JPH2: variants seen among roughly 807,000 people sequenced by gnomAD.
JPH2 encodes junctophilin 2, also known as junctophilin-2.
A neutral mutation model predicts 55.9 loss-of-function variants in JPH2; 38 were observed. The ratio of observed to expected loss-of-function variants is 0.68; its 90% CI spans 0.52 to 0.89. The LOEUF (loss-of-function observed/expected upper bound fraction) is 0.89. JPH2 is among the 40% of genes least tolerant of loss of function. The probability of loss-of-function intolerance (pLI) is 0.00; values close to 1 mark genes in which losing one functional copy is unlikely to be tolerated. For missense variants in JPH2, 964 were observed against 1,037.6 expected, an observed-to-expected ratio of 0.93 and a Z score of 0.97; for synonymous variants, 480 against 472.4, an observed-to-expected ratio of 1.02 and a Z score of -0.21.
At chr20:44,129,051 T>C (rs1387864356) in intron 2 of JPH2, among the ~76,000 whole-genome samples, 1 of 152,180 alleles carries the variant, frequency 6.6e-6, no homozygotes, top group Non-Finnish European at 1.5e-5. Flanking sequence ...GCAAGCTCGA[T>C]GCAGATTTGT....
chr20:44,176,433 T>C (rs1262327544), intron 1 of JPH2, among the ~76,000 whole-genome samples: 1 of 151,368 alleles, frequency 6.6e-6, no homozygotes, highest in Non-Finnish European at 1.5e-5. Flanking sequence ...GCTGGCCTTC[T>C]CTGTACATCC....
At chr20:44,135,104 A>G (rs1050394141) in intron 2 of JPH2, among the ~76,000 whole-genome samples, 3 of 151,094 alleles carry the variant, frequency 2.0e-5, no homozygotes, top group South Asian at 4.2e-4. Context: ...GCATGACCAT[A>G]CCTACTGGGG....
intron 1 of JPH2, among the ~76,000 whole-genome samples, chr20:44,170,884 A>T (rs980505586): frequency 6.6e-6 from 1 of 152,208 alleles, no homozygotes; most frequent in South Asian, 2.1e-4. Context: ...AAGAATTTAA[A>T]TGACTCTCAT....
chr20:44,137,331 C>T (rs1354822745), intron 2 of JPH2, among the ~76,000 whole-genome samples: 4 of 151,546 alleles, frequency 2.6e-5, no homozygotes, highest in Non-Finnish European at 4.4e-5. Flanking sequence ...AAGGACAAGG[C>T]GCCCAGGAGA....
In JPH2 at chr20:44,116,208, C is replaced by T; in HGVS notation, c.1467G>A (p.Gly489=). ...RPEGGSPSPA[G]TPPQPKRPRP... is the part of the protein sequence containing the mutation. ...TGGGCCGCTTGGGCTGCGGGGGCGT[C>T]CCGGCCGGTGACGGGGAGCCACCCT... The change falls in exon 4 of 6, where the codon GGG becomes GGA. Residue 489 remains glycine (G), a synonymous_variant. Transcript: ENST00000372980. 7.2e-7 allele frequency: 1 copy of T among 1,393,244 alleles called. No individual in the cohort carries two copies. Among genetic ancestry groups the T allele is most frequent in the Non-Finnish European group, 9.2e-7 (1 of 1,085,348 alleles). The allele number at this position is 1,393,244 out of a possible 1,614,324, so 86.3% of individuals were successfully genotyped here.
chr20:44,169,047 C>T (rs942562884), intron 1 of JPH2, among the ~76,000 whole-genome samples: 2 of 152,208 alleles, frequency 1.3e-5, no homozygotes, highest in African/African-American at 2.4e-5. Context: ...TCCCCTTCAC[C>T]TTCTGCCATG....
chr20:44,121,374 A>G (rs1218927597), intron 2 of JPH2, among the ~76,000 whole-genome samples: 2 of 152,168 alleles, frequency 1.3e-5, no homozygotes, highest in African/African-American at 4.8e-5. Context: ...ATCTCAGTCT[A>G]CAGCAGAGAA....
chr20:44,133,105 C>T (rs2072336137), intron 2 of JPH2, among the ~76,000 whole-genome samples: 1 of 85,200 alleles, frequency 1.2e-5, no homozygotes. Flanking sequence ...ATTTCCCTGT[C>T]CCCCACCTCT....
At chr20:44,122,870 G>A (rs1473894002) in intron 2 of JPH2, among the ~76,000 whole-genome samples, 1 of 152,172 alleles carries the variant, frequency 6.6e-6, no homozygotes, top group African/African-American at 2.4e-5. Context: ...ACTTTTTAGA[G>A]CCACTTCTCT....
chr20:44,109,225 A>C lies in JPH2; in HGVS notation c.*4293T>G, dbSNP rs1600825188. ...CTTGAACCAATCACTCCATCTCCCC[A>C]AGGCTCAATTTTCCTCATCTGCAAA... On this transcript the variant is annotated 3_prime_UTR_variant, in exon 6 of 6. Transcript: ENST00000372980. Among the ~76,000 whole-genome samples the C allele has an allele frequency of 6.6e-6, 1 of 152,242 alleles. No homozygotes were observed. Among genetic ancestry groups the C allele is most frequent in the African/African-American group, 2.4e-5 (1 of 41,540 alleles).
chr20:44,124,667 A>G (rs1473736923), intron 2 of JPH2, among the ~76,000 whole-genome samples: 1 of 151,700 alleles, frequency 6.6e-6, no homozygotes, highest in East Asian at 1.9e-4. Flanking sequence ...AAAAAAAGTA[A>G]AAAAGAAAGA....
intron 5 of JPH2, 26 bp downstream of exon 5, chr20:44,114,756 C>A: frequency 6.5e-7 from 1 of 1,547,096 alleles, no homozygotes; most frequent in Non-Finnish European, 8.8e-7. Flanking sequence ...TGCCCCCCAA[C>A]CCCTCCTCCA....
chr20:44,142,341 T>C (rs1188290946), intron 2 of JPH2, among the ~76,000 whole-genome samples: 1 of 152,154 alleles, frequency 6.6e-6, no homozygotes, highest in Non-Finnish European at 1.5e-5. Context: ...TGGCCACAGG[T>C]TGCTAGTGGC....
At chr20:44,118,701 G>C (rs938384362) in intron 2 of JPH2, 78 bp from the exon 3 acceptor site, 1 of 1,138,914 alleles carries the variant, frequency 8.8e-7, no homozygotes, top group African/African-American at 1.5e-5. Flanking sequence ...AACCCACAAA[G>C]AGACATGCTA....
chr20:44,125,880 C>T (rs998773476), intron 2 of JPH2, among the ~76,000 whole-genome samples: 1 of 152,034 alleles, frequency 6.6e-6, no homozygotes. Flanking sequence ...GCTCAGAACA[C>T]AGGAAGTGCT....
chr20:44,162,378 G>T (rs1159927733), intron 1 of JPH2, among the ~76,000 whole-genome samples: 1 of 152,116 alleles, frequency 6.6e-6, no homozygotes, highest in Non-Finnish European at 1.5e-5. Flanking sequence ...TTAATACTGA[G>T]TATTAGCTTG....
chr20:44,119,180 C>G (rs1355361733), intron 2 of JPH2, among the ~76,000 whole-genome samples: 8 of 152,182 alleles, frequency 5.3e-5, no homozygotes, highest in Admixed American at 4.6e-4. Flanking sequence ...TAATCTATAT[C>G]TTTATAATCA....
At chr20:44,115,485 G>A (rs2072181258) in intron 4 of JPH2, among the ~76,000 whole-genome samples, 180 bp downstream of exon 4, 1 of 152,186 alleles carries the variant, frequency 6.6e-6, no homozygotes, top group African/African-American at 2.4e-5. Flanking sequence ...AACGTCCTCT[G>A]TGGACCAAGC....
intron 1 of JPH2, among the ~76,000 whole-genome samples, chr20:44,181,876 T>C (rs951844532): frequency 6.6e-6 from 1 of 152,198 alleles, no homozygotes; most frequent in Non-Finnish European, 1.5e-5. Flanking sequence ...AGCAGGACAA[T>C]TTCCTGTTAG....
Sources: gnomAD v4.1 joint callset for allele counts (sites outside exome capture counted in the v4.1 genomes callset) on GRCh38, gnomAD v4.1.1 for gene constraint, MANE v1.5 for transcripts, NCBI Gene and HGNC (gene_info 2026-07-23, HGNC 2026-07-21) for gene names.